PLXDC2: variants seen among roughly 807,000 people sequenced by gnomAD.
The protein encoded by PLXDC2 is plexin domain containing 2, also known as plexin domain-containing protein 2.
A neutral mutation model predicts 68.9 loss-of-function variants in PLXDC2; 40 were observed. That is an observed-to-expected ratio of 0.58 (90% CI 0.45 to 0.76). The LOEUF is 0.76. PLXDC2 is among the 30% of genes least tolerant of loss of function. PLXDC2 has a pLI of 0.00. For missense variants in PLXDC2, 644 were observed against 661.9 expected (o/e 0.97, Z 0.30); for synonymous variants, 243 against 234.2 (o/e 1.04, Z -0.34).
At chr10:19,987,978 C>T (rs1165137523) in intron 1 of PLXDC2, among the ~76,000 whole-genome samples, 1 of 152,090 alleles carries the variant, frequency 6.6e-6, no homozygotes, top group Non-Finnish European at 1.5e-5. Context: ...ATTCCCTTTC[C>T]CCTACCCATC....
At chr10:20,222,390 T>C (rs562381854) in intron 12 of PLXDC2, among the ~76,000 whole-genome samples, 5 of 152,326 alleles carry the variant, frequency 3.3e-5, no homozygotes, top group Admixed American at 6.5e-5. Flanking sequence ...GGGTTTCTCA[T>C]TGAGAGGACC....
At chr10:20,033,585 A>G (rs1397207482) in intron 2 of PLXDC2, among the ~76,000 whole-genome samples, 4 of 152,232 alleles carry the variant, frequency 2.6e-5, no homozygotes, top group African/African-American at 9.6e-5. Flanking sequence ...AAGGAAGAGC[A>G]AAGAGATATC....
intron 1 of PLXDC2, among the ~76,000 whole-genome samples, chr10:19,900,208 A>G (rs1279802998): frequency 6.6e-6 from 1 of 152,210 alleles, no homozygotes; most frequent in Non-Finnish European, 1.5e-5. Context: ...TGAAGTACAA[A>G]TAGATGCAAT....
chr10:19,910,591 CTTTTTTTTTTTT>C (rs1006322581), intron 1 of PLXDC2, among the ~76,000 whole-genome samples: 1 of 92,560 alleles, frequency 1.1e-5, no homozygotes, highest in Non-Finnish European at 2.1e-5. Context: ...TAAGTGGTTG[CTTTTTTTTTTTT>C]TTTTTTTTTT....
chr10:19,939,653 CT>C (rs1172679689), intron 1 of PLXDC2, among the ~76,000 whole-genome samples: 2 of 152,116 alleles, frequency 1.3e-5, no homozygotes, highest in Non-Finnish European at 2.9e-5. Context: ...CTTTTTCTCC[CT>C]TTGGAAAAAT....
At chr10:20,077,435 G>C (rs1034307234) in intron 4 of PLXDC2, among the ~76,000 whole-genome samples, 1 of 152,142 alleles carries the variant, frequency 6.6e-6, no homozygotes, top group Non-Finnish European at 1.5e-5. Flanking sequence ...CTGGAACTGA[G>C]ACATAGTCAT....
At chr10:19,994,077 A>G (rs1834797855) in intron 1 of PLXDC2, among the ~76,000 whole-genome samples, 1 of 152,020 alleles carries the variant, frequency 6.6e-6, no homozygotes, top group Non-Finnish European at 1.5e-5. Context: ...CCATGCCCAC[A>G]TTCTCCAAAA....
intron 2 of PLXDC2, among the ~76,000 whole-genome samples, chr10:20,005,495 G>A (rs896013369): frequency 1.3e-4 from 20 of 152,100 alleles, no homozygotes; most frequent in African/African-American, 4.1e-4. Context: ...AAGAAATACC[G>A]AGACTGGGTA....
At chr10:20,096,936 C>A (rs148098423) in intron 4 of PLXDC2, among the ~76,000 whole-genome samples, 13 of 152,116 alleles carry the variant, frequency 8.5e-5, no homozygotes, top group Admixed American at 7.9e-4. Context: ...GAAATTAATT[C>A]CCTTCTTAAG....
intron 1 of PLXDC2, among the ~76,000 whole-genome samples, chr10:19,960,386 A>C (rs1164792357): frequency 6.6e-6 from 1 of 152,102 alleles, no homozygotes; most frequent in Middle Eastern, 3.4e-3. Context: ...ATGAATAAGA[A>C]GAATAAAATA....
At chr10:20,277,405 G>A (rs1308983852) in intron 13 of PLXDC2, among the ~76,000 whole-genome samples, 1 of 151,926 alleles carries the variant, frequency 6.6e-6, no homozygotes, top group African/African-American at 2.4e-5. Flanking sequence ...AACACAGAAG[G>A]TTCTCTTTAA....
intron 13 of PLXDC2, among the ~76,000 whole-genome samples, chr10:20,269,300 A>G (rs1001689347): frequency 3.6e-5 from 5 of 140,752 alleles, no homozygotes; most frequent in Non-Finnish European, 7.7e-5. Flanking sequence ...AAGACAGAGG[A>G]CACAAAAATT....
At chr10:19,966,455 G>GCACATATATAAAAAATATA (rs1462042772) in intron 1 of PLXDC2, among the ~76,000 whole-genome samples, 5 of 22,328 alleles carry the variant, frequency 2.2e-4, no homozygotes, top group African/African-American at 4.4e-4. Context: ...AAACATGTGT[G>GCACATATATAAAAAATATA]TATATGTACA....
intron 9 of PLXDC2, among the ~76,000 whole-genome samples, chr10:20,187,622 G>T (rs1834704167): frequency 1.3e-5 from 2 of 151,610 alleles, no homozygotes; most frequent in Admixed American, 1.3e-4. Context: ...AATGGGTAAG[G>T]CTGCATGTCT....
intron 13 of PLXDC2, among the ~76,000 whole-genome samples, chr10:20,264,745 A>G (rs531760627): frequency 1.8e-4 from 28 of 152,242 alleles, no homozygotes; most frequent in Admixed American, 3.3e-4. Context: ...ATTAAATCAG[A>G]TAAAAATATT....
At chr10:20,095,186 GTTTCT>G (rs1384214174) in intron 4 of PLXDC2, among the ~76,000 whole-genome samples, 2 of 151,940 alleles carry the variant, frequency 1.3e-5, no homozygotes, top group Admixed American at 6.6e-5. Flanking sequence ...TAAGTTTTTT[GTTTCT>G]TTTCTTGTGA....
chr10:19,990,903 A>C (rs969722012), intron 1 of PLXDC2, among the ~76,000 whole-genome samples: 1 of 152,176 alleles, frequency 6.6e-6, no homozygotes, highest in Non-Finnish European at 1.5e-5. Flanking sequence ...TTTTATTCCC[A>C]AAAAAGTGAA....
intron 4 of PLXDC2, among the ~76,000 whole-genome samples, chr10:20,095,661 C>A (rs1429045468): frequency 6.6e-6 from 1 of 152,094 alleles, no homozygotes; most frequent in Non-Finnish European, 1.5e-5. Context: ...ACTAAAAATT[C>A]TGTGCTCTAC....
At chr10:19,833,884 A>T (rs1836740967) in intron 1 of PLXDC2, among the ~76,000 whole-genome samples, 1 of 152,196 alleles carries the variant, frequency 6.6e-6, no homozygotes, top group African/African-American at 2.4e-5. Flanking sequence ...TCAAAATAAA[A>T]AATGCATACA....
Sources: gnomAD v4.1 joint callset for allele counts (sites outside exome capture counted in the v4.1 genomes callset) on GRCh38, gnomAD v4.1.1 for gene constraint, MANE v1.5 for transcripts, NCBI Gene and HGNC (gene_info 2026-07-23, HGNC 2026-07-21) for gene names.